The following CHCHD3 variants were observed in gnomAD, a reference collection of about 807,000 sequenced individuals.
CHCHD3 encodes the protein coiled-coil-helix-coiled-coil-helix domain containing 3.
A neutral mutation model predicts 38.2 loss-of-function variants in CHCHD3; 20 were observed. The ratio of observed to expected loss-of-function variants is 0.52; its 90% CI spans 0.37 to 0.76. The LOEUF is 0.76. CHCHD3 is among the 30% of genes least tolerant of loss of function. The probability of loss-of-function intolerance (pLI) is 0.00; values close to 1 mark genes in which losing one functional copy is unlikely to be tolerated. For missense variants in CHCHD3, 245 were observed against 279.2 expected (o/e 0.88, Z 0.87); for synonymous variants, 82 against 100.0 (o/e 0.82, Z 1.07).
At chr7:133,022,110 A>C (rs1387351195) in intron 3 of CHCHD3, among the ~76,000 whole-genome samples, 4 of 152,122 alleles carry the variant, frequency 2.6e-5, no homozygotes, top group African/African-American at 9.7e-5. Flanking sequence ...AAACAAACAA[A>C]AAATTTCCAT....
At chr7:133,024,278 T>G (rs956864986) in intron 3 of CHCHD3, among the ~76,000 whole-genome samples, 2 of 152,214 alleles carry the variant, frequency 1.3e-5, no homozygotes, top group Non-Finnish European at 2.9e-5. Context: ...CAAAAACTCC[T>G]TCTCACATAT....
chr7:132,856,565 T>C (rs534310943), intron 5 of CHCHD3, among the ~76,000 whole-genome samples: 1 of 152,334 alleles, frequency 6.6e-6, no homozygotes, highest in Admixed American at 6.5e-5. Flanking sequence ...ATAACCACGC[T>C]GTGTCTGAAC....
intron 6 of CHCHD3, among the ~76,000 whole-genome samples, chr7:132,833,595 G>T (rs976782495): frequency 6.6e-6 from 1 of 152,094 alleles, no homozygotes; most frequent in African/African-American, 2.4e-5. Context: ...ATCCTGGCCT[G>T]TTTTCTTAGT....
At chr7:132,983,366 A>G (rs1811969424) in intron 3 of CHCHD3, among the ~76,000 whole-genome samples, 1 of 152,166 alleles carries the variant, frequency 6.6e-6, no homozygotes, top group African/African-American at 2.4e-5. Context: ...ACACAAACAG[A>G]CTGTACATGG....
At chr7:132,840,522 G>A (rs555674999) in intron 5 of CHCHD3, among the ~76,000 whole-genome samples, 24 of 152,294 alleles carry the variant, frequency 1.6e-4, no homozygotes, top group South Asian at 4.1e-4. Context: ...CCTTGAGCAG[G>A]TCTTTAATCT....
At chr7:132,974,070 C>A (rs1305088376) in intron 4 of CHCHD3, 9 of 1,237,404 alleles carry the variant, frequency 7.3e-6, no homozygotes, top group Non-Finnish European at 9.4e-6. Context: ...ATGTTGAATA[C>A]AAAAGGCAGA....
In CHCHD3 at chr7:133,035,354, G is replaced by T. The variant is rs1813640466; in HGVS notation, c.170-10727C>A. 6.2e-7 allele frequency: 1 copy of T among 1,612,280 alleles called. No individual in the cohort carries two copies. Among genetic ancestry groups the T allele is most frequent in the Non-Finnish European group, 8.5e-7 (1 of 1,178,456 alleles). On this transcript the variant is annotated intron_variant, in intron 2 of 7. Coordinates refer to ENST00000262570, the MANE Select transcript of CHCHD3 (RefSeq NM_017812.4). The surrounding 1 kb of genome is among the most constrained non-coding windows in gnomAD (Gnocchi z 4.7). Reference sequence around the variant, plus strand: ...GCTGGTTAATGCAGGTGAGGAACCAGCGGTTGGTATTGCGAAAGGCCCGGC... The same window carrying T: ...GCTGGTTAATGCAGGTGAGGAACCATCGGTTGGTATTGCGAAAGGCCCGGC...
rs73724168 is a variant in CHCHD3 at position 133,078,694 on chromosome 7, G to A, written c.81+3163C>T. On this transcript the variant is annotated intron_variant, in intron 1 of 7. Transcript: ENST00000262570. ...CACCACTGTCAAAAAATCCTAAGTCGAACCATCCTAACAGGAGACCGTCTG... is the reference window on the plus strand; with the variant it reads ...CACCACTGTCAAAAAATCCTAAGTCAAACCATCCTAACAGGAGACCGTCTG... 5.7e-3 allele frequency among the ~76,000 whole-genome samples: 866 copies of A among 152,306 alleles called. 6 individuals are homozygous for A. The highest frequency in any genetic ancestry group is 0.016 in the African/African-American group (667 of 41,570).
At chr7:132,841,936 A>G (rs896686383) in intron 5 of CHCHD3, among the ~76,000 whole-genome samples, 1 of 151,840 alleles carries the variant, frequency 6.6e-6, no homozygotes, top group African/African-American at 2.4e-5. Flanking sequence ...TCTCTACTAA[A>G]AATACAAAAA....
chr7:133,025,415 T>C (rs1351386120), intron 2 of CHCHD3, among the ~76,000 whole-genome samples: 2 of 152,240 alleles, frequency 1.3e-5, no homozygotes, highest in African/African-American at 4.8e-5. Flanking sequence ...ACTACAGACC[T>C]ACTACCCAAA....
chr7:132,945,314 A>G (rs1810869479), intron 4 of CHCHD3, among the ~76,000 whole-genome samples: 1 of 152,104 alleles, frequency 6.6e-6, no homozygotes, highest in East Asian at 1.9e-4. Flanking sequence ...GAAAATACTC[A>G]GAAATAATGC....
At chr7:133,068,282 T>TA (rs1297789759) in intron 2 of CHCHD3, among the ~76,000 whole-genome samples, 1 of 152,190 alleles carries the variant, frequency 6.6e-6, no homozygotes, top group African/African-American at 2.4e-5. Context: ...AAGCACTTAC[T>TA]AAGAAGCAGG....
chr7:132,904,363 A>G (rs1001273531), intron 4 of CHCHD3, among the ~76,000 whole-genome samples: 5 of 152,200 alleles, frequency 3.3e-5, no homozygotes, highest in African/African-American at 1.2e-4. Context: ...CACTTTTAGG[A>G]TCACAAAGCT....
At chr7:132,948,130 T>C (rs113645566) in intron 4 of CHCHD3, among the ~76,000 whole-genome samples, 1 of 152,136 alleles carries the variant, frequency 6.6e-6, no homozygotes, top group African/African-American at 2.4e-5. Flanking sequence ...TTTCCTGTTT[T>C]GGGATTTCCT....
intron 5 of CHCHD3, among the ~76,000 whole-genome samples, chr7:132,856,344 ACT>A (rs1245341403): frequency 1.3e-5 from 2 of 152,188 alleles, no homozygotes; most frequent in African/African-American, 4.8e-5. Context: ...CAGCATATTC[ACT>A]CTACACAAAA....
chr7:133,022,959 T>C (rs1813235557), intron 3 of CHCHD3, among the ~76,000 whole-genome samples: 1 of 141,586 alleles, frequency 7.1e-6, no homozygotes, highest in African/African-American at 2.6e-5. Flanking sequence ...TGAAATATAA[T>C]AAGCAAACTA....
intron 3 of CHCHD3, among the ~76,000 whole-genome samples, chr7:132,995,224 A>G (rs193211422): frequency 2.6e-5 from 4 of 152,222 alleles, no homozygotes; most frequent in Non-Finnish European, 5.9e-5. Flanking sequence ...TTTTTTTAAA[A>G]CCATTTTATT....
At chr7:133,010,116 A>ACTGGATTT (rs1812820708) in intron 3 of CHCHD3, among the ~76,000 whole-genome samples, 1 of 152,214 alleles carries the variant, frequency 6.6e-6, no homozygotes, top group Admixed American at 6.5e-5. Flanking sequence ...TTGGAGTAAA[A>ACTGGATTT]GAGAACTGGA....
intron 1 of CHCHD3, among the ~76,000 whole-genome samples, chr7:133,073,443 G>T (rs1452607393): frequency 6.6e-6 from 1 of 152,094 alleles, no homozygotes; most frequent in Non-Finnish European, 1.5e-5. Flanking sequence ...ACACTGAAGT[G>T]CCTAATGAAC....
Sources: allele counts gnomAD v4.1 joint callset (sites outside exome capture counted in the v4.1 genomes callset), GRCh38; gene constraint gnomAD v4.1.1; non-coding constraint Gnocchi (gnomAD v3.1); transcripts MANE v1.5; gene names NCBI Gene and HGNC (gene_info 2026-07-23, HGNC 2026-07-21).